NEDD4L: variants seen among roughly 807,000 people sequenced by gnomAD.
NEDD4L encodes the protein NEDD4 like E3 ubiquitin protein ligase.
Under a neutral mutation model 148.9 loss-of-function variants are expected in NEDD4L, and 54 were observed. The ratio of observed to expected loss-of-function variants is 0.36; its 90% CI spans 0.29 to 0.45. NEDD4L has a LOEUF of 0.45. Among genes scored for constraint, NEDD4L ranks in the 20% least tolerant of loss-of-function variants. The pLI, the probability that NEDD4L is intolerant of heterozygous loss-of-function variation, is 1.00. For synonymous variants in NEDD4L, 433 were observed against 440.7 expected (o/e 0.98, Z 0.22); for missense variants, 856 against 1,233.8 (o/e 0.69, Z 4.59).
chr18:58,154,971 G>C (rs952346940), intron 1 of NEDD4L, among the ~76,000 whole-genome samples: 4 of 152,132 alleles, frequency 2.6e-5, no homozygotes, highest in African/African-American at 4.8e-5. Flanking sequence ...CCCATATTAA[G>C]TCCATATTAT....
chr18:58,095,182 G>A (rs181943980), intron 1 of NEDD4L, among the ~76,000 whole-genome samples: 1 of 152,268 alleles, frequency 6.6e-6, no homozygotes, highest in East Asian at 1.9e-4. Context: ...ACTCATCTGG[G>A]TTCTTCTGCT....
chr18:58,281,918 G>A (rs1386085322), intron 5 of NEDD4L, among the ~76,000 whole-genome samples: 3 of 151,590 alleles, frequency 2.0e-5, no homozygotes, highest in East Asian at 1.9e-4. Flanking sequence ...CCAGCTACTC[G>A]GGAGGCTGAG....
chr18:58,191,688 A>G (rs547727520), intron 2 of NEDD4L, among the ~76,000 whole-genome samples: 14 of 152,188 alleles, frequency 9.2e-5, no homozygotes, highest in Non-Finnish European at 1.9e-4. Context: ...TGTGTAGCCA[A>G]AGTTCTAAAT....
Position 58,044,806 on chromosome 18 carries a change from C to T in NEDD4L, c.48+98C>T, listed in dbSNP as rs1240199951. On this transcript the variant is annotated intron_variant, in intron 1 of 30. Coordinates refer to ENST00000400345, the MANE Select transcript of NEDD4L (RefSeq NM_001144967.3). ...GGGGCCGTCCCCGGGGTGCTCGTGC[C>T]CAGCGTCTGCAGGGGAGCCCCAAAG... 3.4e-6 allele frequency: 5 copies of T among 1,459,008 alleles called. No individual in the cohort carries two copies. In the East Asian group the frequency reaches 1.3e-4, roughly 39 times the overall value. The allele number at this position is 1,459,008 out of a possible 1,614,324, so 90.4% of individuals were successfully genotyped here.
intron 19 of NEDD4L, among the ~76,000 whole-genome samples, 185 bp from the exon 20 acceptor site, chr18:58,364,083 A>T (rs2045833111): frequency 6.6e-6 from 1 of 152,244 alleles, no homozygotes; most frequent in South Asian, 2.1e-4. Context: ...AAAGCTGATT[A>T]GCCCTCATCA....
At chr18:58,090,373 T>C (rs1161835318) in intron 1 of NEDD4L, among the ~76,000 whole-genome samples, 1 of 152,250 alleles carries the variant, frequency 6.6e-6, no homozygotes, top group Admixed American at 6.5e-5. Flanking sequence ...GTGCAGCTGG[T>C]AGAACCTCCT....
At chr18:58,346,847 C>T (rs2043136832) in intron 16 of NEDD4L, among the ~76,000 whole-genome samples, 1 of 152,032 alleles carries the variant, frequency 6.6e-6, no homozygotes, top group African/African-American at 2.4e-5. Context: ...ACTTTCTCAT[C>T]AGCTCTGAAG....
chr18:58,361,568 C>T (rs2045490176), intron 19 of NEDD4L, among the ~76,000 whole-genome samples: 1 of 152,190 alleles, frequency 6.6e-6, no homozygotes, highest in African/African-American at 2.4e-5. Flanking sequence ...ACAGTCCTTG[C>T]AAGGGTCAGA....
chr18:58,160,782 G>T (rs1193613948), intron 1 of NEDD4L, among the ~76,000 whole-genome samples: 3 of 152,174 alleles, frequency 2.0e-5, no homozygotes, highest in Admixed American at 6.5e-5. Context: ...ACAAAGATAA[G>T]ACATTTTTGC....
At chr18:58,291,282 C>G (rs903901691) in intron 5 of NEDD4L, among the ~76,000 whole-genome samples, 1 of 152,210 alleles carries the variant, frequency 6.6e-6, no homozygotes, top group African/African-American at 2.4e-5. Flanking sequence ...TTCACAGCCC[C>G]CACTCAGAGG....
rs562699470 is a variant in NEDD4L at position 58,071,991 on chromosome 18, A to G, written c.48+27283A>G. Among the ~76,000 whole-genome samples, 7 of 152,342 alleles carry G rather than the reference A, an allele frequency of 4.6e-5. No individual in the cohort carries two copies. In the East Asian group the frequency reaches 1.3e-3, roughly 29 times the overall value. ...GATTTGGGTGGGGACACAGAGCCAA[A>G]CCATATCAAGTTGTATGCCAACAAA... On this transcript the variant is annotated intron_variant, in intron 1 of 30. Coordinates refer to ENST00000400345, the MANE Select transcript of NEDD4L (RefSeq NM_001144967.3).
intron 18 of NEDD4L, among the ~76,000 whole-genome samples, chr18:58,351,708 A>G (rs912699945): frequency 6.6e-6 from 1 of 151,950 alleles, no homozygotes; most frequent in African/African-American, 2.4e-5. Context: ...ATGGAATCAT[A>G]TTTCTATGTC....
intron 5 of NEDD4L, among the ~76,000 whole-genome samples, chr18:58,278,925 G>A (rs953479314): frequency 3.3e-5 from 5 of 152,112 alleles, no homozygotes; most frequent in Non-Finnish European, 5.9e-5. Flanking sequence ...AGGCTGGAGT[G>A]CAGTGGTGCA....
At chr18:58,365,330 C>T (rs2045973261) in intron 20 of NEDD4L, among the ~76,000 whole-genome samples, 1 of 151,840 alleles carries the variant, frequency 6.6e-6, no homozygotes, top group African/African-American at 2.4e-5. Context: ...CACTCTATGG[C>T]TCTCACATAG....
At chr18:58,268,960 C>T (rs1318884010) in intron 5 of NEDD4L, among the ~76,000 whole-genome samples, 1 of 152,034 alleles carries the variant, frequency 6.6e-6, no homozygotes, top group Non-Finnish European at 1.5e-5. Flanking sequence ...CCTTCAGTGA[C>T]TCAGAGCCTC....
At chr18:58,323,471 A>G in intron 8 of NEDD4L, 137 bp downstream of exon 8, 1 of 593,694 alleles carries the variant, frequency 1.7e-6, no homozygotes, top group Non-Finnish European at 3.0e-6. Context: ...CAAATTGGTC[A>G]TTGATAGTCT....
intron 1 of NEDD4L, among the ~76,000 whole-genome samples, chr18:58,142,299 C>T (rs1019141251): frequency 1.7e-4 from 25 of 151,070 alleles, no homozygotes; most frequent in African/African-American, 4.9e-4. Context: ...CCACCTGCCT[C>T]GACCTCCCAA....
At chr18:58,337,874 A>T (rs1204202162) in intron 13 of NEDD4L, among the ~76,000 whole-genome samples, 1 of 152,198 alleles carries the variant, frequency 6.6e-6, no homozygotes, top group African/African-American at 2.4e-5. Context: ...CCTTTGATTT[A>T]TGGCAAATAA....
At chr18:58,098,458 T>G (rs1015403444) in intron 1 of NEDD4L, among the ~76,000 whole-genome samples, 9 of 152,168 alleles carry the variant, frequency 5.9e-5, no homozygotes, top group African/African-American at 2.2e-4. Context: ...CATGATACAG[T>G]GGCGTTGTCC....
Sources: allele counts gnomAD v4.1 joint callset (sites outside exome capture counted in the v4.1 genomes callset), GRCh38; gene constraint gnomAD v4.1.1; transcripts MANE v1.5; gene names NCBI Gene and HGNC (gene_info 2026-07-23, HGNC 2026-07-21).